Variants in LATS2 observed in about 807,000 individuals in gnomAD.
LATS2 encodes the protein large tumor suppressor kinase 2.
Under a neutral mutation model 76.0 loss-of-function variants are expected in LATS2, and 24 were observed. The ratio of observed to expected loss-of-function variants is 0.32; its 90% CI spans 0.23 to 0.44. The LOEUF is 0.44. Among genes scored for constraint, LATS2 ranks in the 20% least tolerant of loss-of-function variants. LATS2 has a pLI of 1.00. For synonymous variants in LATS2, 692 were observed against 635.4 expected, an observed-to-expected ratio of 1.09 and a Z score of -1.34; for missense variants, 1,286 against 1,481.2, an observed-to-expected ratio of 0.87 and a Z score of 2.16.
chr13:21,026,575 A>T (rs891705506), intron 2 of LATS2, among the ~76,000 whole-genome samples: 38 of 152,338 alleles, frequency 2.5e-4, no homozygotes, highest in African/African-American at 8.9e-4. Flanking sequence ...ATATTTGTGT[A>T]CAAGTCTTTT....
intron 4 of LATS2, among the ~76,000 whole-genome samples, chr13:20,986,726 G>A (rs1408228510): frequency 6.6e-6 from 1 of 152,178 alleles, no homozygotes; most frequent in Non-Finnish European, 1.5e-5. Context: ...TAGTAAAAAT[G>A]TATTCAATAT....
intron 5 of LATS2, 53 bp downstream of exon 5, chr13:20,983,171 G>T: frequency 8.0e-7 from 1 of 1,252,564 alleles, no homozygotes; most frequent in South Asian, 1.3e-5. Flanking sequence ...GCTTGCAATG[G>T]GGTTAGTGAC....
At chr13:21,060,259 G>C (rs1565969496) in intron 1 of LATS2, among the ~76,000 whole-genome samples, 1 of 152,232 alleles carries the variant, frequency 6.6e-6, no homozygotes, top group East Asian at 1.9e-4. Context: ...AGAAGTTCTG[G>C]AGTTGGGCTG....
chr13:20,982,565 G>A (rs951657587), intron 5 of LATS2, among the ~76,000 whole-genome samples: 5 of 152,026 alleles, frequency 3.3e-5, no homozygotes, highest in Non-Finnish European at 5.9e-5. Context: ...CCCACCTTGG[G>A]CTTTCAAAGT....
At chr13:21,033,601 C>T (rs575577742) in intron 2 of LATS2, among the ~76,000 whole-genome samples, 1 of 150,568 alleles carries the variant, frequency 6.6e-6, no homozygotes, top group Non-Finnish European at 1.5e-5. Context: ...CACACGGTAT[C>T]GCTGAAGGCT....
intron 7 of LATS2, among the ~76,000 whole-genome samples, chr13:20,978,326 T>G (rs960423504): frequency 6.6e-6 from 1 of 152,102 alleles, no homozygotes; most frequent in East Asian, 1.9e-4. Context: ...CCAAGGACTG[T>G]GTGTCAGTTG....
intron 2 of LATS2, among the ~76,000 whole-genome samples, chr13:20,996,056 C>T (rs1870736136): frequency 6.6e-6 from 1 of 152,128 alleles, no homozygotes; most frequent in Non-Finnish European, 1.5e-5. Context: ...GATGCTAATC[C>T]ATTGAAGTTG....
intron 6 of LATS2, among the ~76,000 whole-genome samples, chr13:20,980,118 C>A (rs904400226): frequency 6.6e-6 from 1 of 152,090 alleles, no homozygotes; most frequent in Admixed American, 6.5e-5. Flanking sequence ...AACAGAGGCA[C>A]CAATTAAAAT....
In LATS2 at chr13:20,988,893, C is replaced by T. The variant is rs775894375; in HGVS notation, c.887G>A (p.Gly296Glu). 25 of 1,534,276 alleles carry T rather than the reference C, an allele frequency of 1.6e-5. No individual in the cohort carries two copies. Among genetic ancestry groups the T allele is most frequent in the Non-Finnish European group, 2.0e-5 (23 of 1,147,720 alleles). ...YASLPTKGQGGPPGAGLAFPP... is the reference protein window; with the variant it reads ...YASLPTKGQGEPPGAGLAFPP... ...GAAAGCGAGGCCGGCGCCTGGCGGT[C>T]CTCCCTGGCCCTTCGTGGGCAGGCT... Residue 296 changes from glycine to glutamate, a missense_variant, in exon 4 of 8, where the codon GGA becomes GAA. This residue lies in a region of LATS2 where 710 missense variants were observed against 660.9 expected (regional missense o/e 1.07). Coordinates refer to ENST00000382592, the MANE Select transcript of LATS2 (RefSeq NM_014572.3).
chr13:21,049,612 G>A (rs569981414), intron 1 of LATS2, among the ~76,000 whole-genome samples: 6 of 152,308 alleles, frequency 3.9e-5, no homozygotes, highest in African/African-American at 1.4e-4. Flanking sequence ...GGCACAGAAG[G>A]GGCAAGCTGC....
At chr13:21,045,659 A>G in intron 2 of LATS2, 26 bp downstream of exon 2, 1 of 1,569,284 alleles carries the variant, frequency 6.4e-7, no homozygotes, top group South Asian at 1.1e-5. Context: ...GCCTCTGCAC[A>G]TGGCCCTGCA....
chr13:21,035,456 T>C (rs560849629), intron 2 of LATS2, among the ~76,000 whole-genome samples: 4 of 152,256 alleles, frequency 2.6e-5, no homozygotes, highest in East Asian at 1.9e-4. Flanking sequence ...CCACACAGAA[T>C]TGCATGCAGA....
chr13:21,042,549 C>T (rs1355372282), intron 2 of LATS2, among the ~76,000 whole-genome samples: 2 of 152,144 alleles, frequency 1.3e-5, no homozygotes, highest in Non-Finnish European at 2.9e-5. Flanking sequence ...ACTGGCCAGA[C>T]GTGGTGGCAC....
chr13:20,977,010 A>G (rs1465793301), intron 7 of LATS2, among the ~76,000 whole-genome samples: 1 of 152,220 alleles, frequency 6.6e-6, no homozygotes, highest in East Asian at 1.9e-4. Flanking sequence ...CACCTTAAAA[A>G]GGAAGCTACA....
chr13:21,024,277 A>T (rs1448358670), intron 2 of LATS2, among the ~76,000 whole-genome samples: 2 of 150,726 alleles, frequency 1.3e-5, no homozygotes, highest in African/African-American at 2.4e-5. Flanking sequence ...TACTAAAAAT[A>T]AAAAAAAATT....
chr13:21,018,876 C>T (rs995237995), intron 2 of LATS2, among the ~76,000 whole-genome samples: 4 of 152,152 alleles, frequency 2.6e-5, no homozygotes, highest in Admixed American at 2.6e-4. Flanking sequence ...GAACTCCCGA[C>T]CTCAAATAAT....
rs1555224088 is a variant in LATS2, at chr13:20,988,343, C to CG, written c.1436dup (p.Ala480GlyfsTer91). The stretch of plus-strand genomic sequence containing the variant: ...CCTTGGCGTCCAAGCCCTCCGCAGC[C>CG]GGGGCGGGGGCGGGGGCGGGGGCCG... On this transcript the variant is annotated frameshift_variant, in exon 4 of 8. Coordinates refer to ENST00000382592, the MANE Select transcript of LATS2 (RefSeq NM_014572.3). LOFTEE classifies it high-confidence loss of function. The CG allele has an allele frequency of 6.9e-6, 9 of 1,298,766 alleles. No individual in the cohort carries two copies. The highest frequency in any genetic ancestry group is 9.0e-6 in the Non-Finnish European group (9 of 1,004,358). 80.5% of individuals were successfully genotyped at this position (1,298,766 alleles called of 1,614,324 possible).
intron 2 of LATS2, among the ~76,000 whole-genome samples, chr13:21,013,048 C>T (rs1871659724): frequency 6.6e-6 from 1 of 152,090 alleles, no homozygotes; most frequent in African/African-American, 2.4e-5. Context: ...TGAGGAATAC[C>T]AAGCAGTGTA....
intron 2 of LATS2, 80 bp downstream of exon 2, chr13:21,045,605 A>C: frequency 9.2e-7 from 1 of 1,081,458 alleles, no homozygotes; most frequent in Non-Finnish European, 1.3e-6. Context: ...AAAGCCTTCA[A>C]GTAGTTGCCA....
Sources: gnomAD v4.1 joint callset for allele counts (sites outside exome capture counted in the v4.1 genomes callset) on GRCh38, gnomAD v4.1.1 for gene constraint, gnomAD v4.1.1 regional missense constraint, MANE v1.5 for transcripts, NCBI Gene and HGNC (gene_info 2026-07-23, HGNC 2026-07-21) for gene names.